ARHGAP18: variants seen among roughly 807,000 people sequenced by gnomAD.
ARHGAP18 encodes rho GTPase-activating protein 18.
In ARHGAP18, 67 loss-of-function variants were observed where a neutral mutation model predicts 86.2. That is an observed-to-expected ratio of 0.78 (90% CI 0.64 to 0.95). ARHGAP18 has a LOEUF of 0.95. Among genes scored for constraint, ARHGAP18 ranks in the 40% least tolerant of loss-of-function variants. The pLI is 0.00. For synonymous variants in ARHGAP18, 283 were observed against 280.4 expected (o/e 1.01, Z -0.09); for missense variants, 691 against 780.4 (o/e 0.89, Z 1.37).
At chr6:129,592,388 T>G (rs1048560456) in intron 12 of ARHGAP18, among the ~76,000 whole-genome samples, 9 of 152,214 alleles carry the variant, frequency 5.9e-5, no homozygotes, top group African/African-American at 2.2e-4. Context: ...CTGCTGCCAA[T>G]GCCAGGATTC....
At chr6:129,668,904 C>T (rs564147930) in intron 1 of ARHGAP18, among the ~76,000 whole-genome samples, 34 of 152,308 alleles carry the variant, frequency 2.2e-4, no homozygotes, top group Admixed American at 1.6e-3. Flanking sequence ...TGACTGGACA[C>T]AGAACTCTGG....
intron 1 of ARHGAP18, among the ~76,000 whole-genome samples, chr6:129,685,189 TA>T (rs1774403918): frequency 6.6e-6 from 1 of 152,050 alleles, no homozygotes. Flanking sequence ...ATAGAGACCA[TA>T]ACTATACCTA....
intron 12 of ARHGAP18, among the ~76,000 whole-genome samples, chr6:129,594,468 G>GTCTCTTTA (rs1788576764): frequency 6.6e-6 from 1 of 151,998 alleles, no homozygotes; most frequent in Non-Finnish European, 1.5e-5. Context: ...ATCTCTCTTT[G>GTCTCTTTA]TCTCTTTATT....
At chr6:129,706,271 A>C (rs1774800691) in intron 1 of ARHGAP18, among the ~76,000 whole-genome samples, 1 of 152,224 alleles carries the variant, frequency 6.6e-6, no homozygotes, top group South Asian at 2.1e-4. Flanking sequence ...AAAACAAGTA[A>C]ACAAAGTCTT....
At chr6:129,600,605 T>C in intron 11 of ARHGAP18, 37 bp downstream of exon 11, 1 of 1,524,246 alleles carries the variant, frequency 6.6e-7, no homozygotes, top group Non-Finnish European at 8.9e-7. Flanking sequence ...ATTTGTTTTT[T>C]AAACTACTAA....
In ARHGAP18 at chr6:129,684,203, T is replaced by C. The variant is rs1183922171; in HGVS notation, c.113+25821A>G. Among the ~76,000 whole-genome samples, 3 of 152,212 alleles carry C rather than the reference T, an allele frequency of 2.0e-5. No individual in the cohort carries two copies. In the East Asian group the frequency reaches 5.8e-4, roughly 29 times the overall value. ...AGGAAGTAGGAGAGGAAATGATGCATGCGATAGCTAAGAAACACTATAAAT... is the reference window on the plus strand; with the variant it reads ...AGGAAGTAGGAGAGGAAATGATGCACGCGATAGCTAAGAAACACTATAAAT... On this transcript the variant is annotated intron_variant, in intron 1 of 14. Transcript: ENST00000368149.
chr6:129,625,141 A>T (rs1403332805), intron 5 of ARHGAP18, among the ~76,000 whole-genome samples: 6 of 4,326 alleles, frequency 1.4e-3, no homozygotes, highest in East Asian at 0.023. Flanking sequence ...TATGATATAT[A>T]TTATATATTA....
intron 1 of ARHGAP18, among the ~76,000 whole-genome samples, chr6:129,707,697 G>C (rs1774825152): frequency 6.7e-6 from 1 of 149,240 alleles, no homozygotes; most frequent in South Asian, 2.1e-4. Context: ...GGGGGCGGGG[G>C]TCTTTTTTTT....
At chr6:129,663,016 C>A (rs989970404) in intron 1 of ARHGAP18, among the ~76,000 whole-genome samples, 1 of 152,180 alleles carries the variant, frequency 6.6e-6, no homozygotes, top group Non-Finnish European at 1.5e-5. Context: ...GACTACCAGG[C>A]AGTTGTCATT....
chr6:129,687,066 C>G (rs1306185160), intron 1 of ARHGAP18, among the ~76,000 whole-genome samples: 1 of 143,540 alleles, frequency 7.0e-6, no homozygotes, highest in Non-Finnish European at 1.5e-5. Flanking sequence ...TCAGGTTATT[C>G]ACACAACTCA....
At chr6:129,659,344 AAC>A (rs1285966961) in intron 1 of ARHGAP18, among the ~76,000 whole-genome samples, 3 of 152,238 alleles carry the variant, frequency 2.0e-5, no homozygotes, top group Non-Finnish European at 4.4e-5. Flanking sequence ...TTATCTACAA[AAC>A]ATTTATTTTC....
intron 1 of ARHGAP18, among the ~76,000 whole-genome samples, chr6:129,693,295 C>A (rs1006521486): frequency 1.3e-5 from 2 of 152,212 alleles, no homozygotes; most frequent in African/African-American, 4.8e-5. Context: ...TCTGATTCTT[C>A]ATCTTCTAAA....
At chr6:129,648,411 G>T (rs1041525739) in intron 1 of ARHGAP18, among the ~76,000 whole-genome samples, 1 of 151,678 alleles carries the variant, frequency 6.6e-6, no homozygotes, top group Non-Finnish European at 1.5e-5. Context: ...CAATCCTCCT[G>T]TCTTAGCCTC....
intron 3 of ARHGAP18, among the ~76,000 whole-genome samples, chr6:129,637,782 T>C (rs1773364831): frequency 1.3e-5 from 2 of 152,234 alleles, no homozygotes; most frequent in South Asian, 2.1e-4. Context: ...GACCACACGG[T>C]AGCACTGGAG....
intron 5 of ARHGAP18, among the ~76,000 whole-genome samples, chr6:129,625,332 G>T (rs1239952762): frequency 1.5e-5 from 1 of 66,010 alleles, no homozygotes; most frequent in Non-Finnish European, 2.5e-5. Flanking sequence ...TATGATATAT[G>T]ATATATATTT....
chr6:129,658,782 C>T (rs1379662077), intron 1 of ARHGAP18, among the ~76,000 whole-genome samples: 3 of 152,138 alleles, frequency 2.0e-5, no homozygotes, highest in Non-Finnish European at 2.9e-5. Flanking sequence ...AGAGTCTTCA[C>T]TGAAACAAAT....
At chr6:129,610,735 C>T (rs989644559) in intron 8 of ARHGAP18, among the ~76,000 whole-genome samples, 1 of 152,084 alleles carries the variant, frequency 6.6e-6, no homozygotes, top group East Asian at 1.9e-4. Context: ...TCAAGCGATT[C>T]TCCTGCCTCA....
At chr6:129,684,570 G>C (rs1401743431) in intron 1 of ARHGAP18, among the ~76,000 whole-genome samples, 1 of 152,160 alleles carries the variant, frequency 6.6e-6, no homozygotes, top group Non-Finnish European at 1.5e-5. Flanking sequence ...GTGTTAGTTT[G>C]TAAATTTCAT....
chr6:129,706,651 ATG>A (rs1279994385), intron 1 of ARHGAP18, among the ~76,000 whole-genome samples: 1 of 150,900 alleles, frequency 6.6e-6, no homozygotes, highest in African/African-American at 2.4e-5. Context: ...CTTTGGGAGG[ATG>A]AGGTGGGCAG....
Sources: gnomAD v4.1 joint callset for allele counts (sites outside exome capture counted in the v4.1 genomes callset) on GRCh38, gnomAD v4.1.1 for gene constraint, MANE v1.5 for transcripts, NCBI Gene and HGNC (gene_info 2026-07-23, HGNC 2026-07-21) for gene names.